The following CARNS1 variants were observed in gnomAD, a reference collection of about 807,000 sequenced individuals.
The protein encoded by CARNS1 is ATP-grasp domain containing 1.
CARNS1 carries 61 observed loss-of-function variants against 74.0 expected under a neutral mutation model. The observed-to-expected ratio is 0.82, with a 90% CI of 0.67 to 1.02. The LOEUF (loss-of-function observed/expected upper bound fraction) is 1.02. Among genes scored for constraint, CARNS1 ranks in the 50% least tolerant of loss-of-function variants. The probability of loss-of-function intolerance (pLI) is 0.00; values close to 1 mark genes in which losing one functional copy is unlikely to be tolerated. For missense variants in CARNS1, 1,278 were observed against 1,308.4 expected, an observed-to-expected ratio of 0.98 and a Z score of 0.36; for synonymous variants, 568 against 605.5, an observed-to-expected ratio of 0.94 and a Z score of 0.91.
chr11:67,422,201 T>TTTC (rs1863727905), intron 9 of CARNS1, among the ~76,000 whole-genome samples: 2 of 130,764 alleles, frequency 1.5e-5, no homozygotes, highest in African/African-American at 2.9e-5. Context: ...TTTTTTTTTT[T>TTTC]AATACGGAGT....
intron 2 of CARNS1, chr11:67,416,507 G>A (rs1863547163): frequency 9.6e-6 from 12 of 1,246,146 alleles, no homozygotes; most frequent in Non-Finnish European, 1.1e-5. Context: ...GTCCTCTGCC[G>A]TCTGGGCCAC....
intron 7 of CARNS1, among the ~76,000 whole-genome samples, chr11:67,420,089 G>C (rs1005667151): frequency 2.5e-4 from 36 of 144,622 alleles, no homozygotes; most frequent in African/African-American, 1.0e-3. Context: ...CCAGGGCCCA[G>C]GGGGCTGAAT....
chr11:67,420,796 G>A lies in CARNS1; in HGVS notation c.1301G>A (p.Ser434Asn), dbSNP rs1357463015. Residue 434 changes from serine to asparagine, a missense_variant, in exon 8 of 10, where the codon AGT becomes AAT. Coordinates refer to ENST00000687366, the MANE Select transcript of CARNS1 (RefSeq NM_001166222.2). The part of the protein sequence containing the change: ...AAVLALEAGL[S>N]AEQRGGRRAH... ...GTGCTGGCTCTGGAGGCCGGCCTGA[G>A]TGCCGAGCAGCGCGGCGGGCGCCGG... is the stretch of plus-strand genomic sequence containing the variant. 2 of 1,232,354 alleles carry A rather than the reference G, an allele frequency of 1.6e-6. No individual in the cohort carries two copies. The highest frequency in any genetic ancestry group is 2.0e-6 in the Non-Finnish European group (2 of 989,466). The allele number at this position is 1,232,354 out of a possible 1,614,324, so 76.3% of individuals were successfully genotyped here. A position where few individuals can be genotyped will look rare whatever the true frequency, so the allele number is the denominator to read the frequency against.
In CARNS1 at chr11:67,416,041, G is replaced by A. The variant is rs949303113; in HGVS notation, c.-24-135G>A. 2.4e-5 allele frequency: 16 copies of A among 674,168 alleles called. No individual in the cohort carries two copies. In the Admixed American group the frequency reaches 3.3e-4, roughly 14 times the overall value. The allele number at this position is 674,168 out of a possible 1,614,324, so 41.8% of individuals were successfully genotyped here. A position where few individuals can be genotyped will look rare whatever the true frequency, so the allele number is the denominator to read the frequency against. On this transcript the variant is annotated intron_variant, in intron 1 of 9. Transcript: ENST00000687366. ...CTCCCTACCTTCGGGGTGGGGGTGG[G>A]GCTGCCTTGGCCTCTCTCTGCAGGG...
chr11:67,417,593 G>A lies in CARNS1; in HGVS notation c.190G>A (p.Val64Ile). ...PEGAEARAWT[V>I]YYYSLLQSCL... Reference sequence around the variant, plus strand: ...GGGGGCCGAGGCCCGGGCTTGGACTGTCTACTACTACAGCCTCCTGCAGAG... The same window carrying A: ...GGGGGCCGAGGCCCGGGCTTGGACTATCTACTACTACAGCCTCCTGCAGAG... Residue 64 changes from valine (V) to isoleucine (I), a missense_variant, in exon 3 of 10, where the codon GTC (valine) becomes ATC (isoleucine). This residue lies in a region of CARNS1 where 104 missense variants were observed against 127.3 expected (regional missense o/e 0.82). Transcript: ENST00000687366. 1.5e-6 allele frequency: 2 copies of A among 1,331,664 alleles called. No homozygotes were observed. The highest frequency in any genetic ancestry group is 1.9e-6 in the Non-Finnish European group (2 of 1,040,598). 82.5% of individuals were successfully genotyped at this position (1,331,664 alleles called of 1,614,324 possible).
chr11:67,421,311 C>G, intron 9 of CARNS1, 92 bp downstream of exon 9: 1 of 1,297,650 alleles, frequency 7.7e-7, no homozygotes, highest in African/African-American at 1.6e-5. Flanking sequence ...AAAGGGGCGT[C>G]CTTGGGGCGG....
At chr11:67,420,561 G>T (rs910791863) in intron 7 of CARNS1, 48 bp from the exon 8 acceptor site, 1 of 1,155,052 alleles carries the variant, frequency 8.7e-7, no homozygotes, top group Non-Finnish European at 1.1e-6. Context: ...GGGTGTGCGT[G>T]GGGGGCAGGG....
rs1399876813 is a variant in CARNS1, at chr11:67,424,325, GGTGGGCGTCAT to G, written c.2581_2591del (p.Gly861ProfsTer16). 2.2e-5 allele frequency: 36 copies of G among 1,610,542 alleles called. No homozygotes were observed. The highest frequency in any genetic ancestry group is 2.9e-5 in the Non-Finnish European group (34 of 1,178,834). ...CCCGCCCACGTGCTCGTGGCCATCT[GGTGGGCGTCAT>G]GTGCCTTGTGTCCCAGCACCTGCAG... On this transcript the variant is annotated frameshift_variant, in exon 10 of 10. Coordinates refer to ENST00000687366, the MANE Select transcript of CARNS1 (RefSeq NM_001166222.2). LOFTEE classifies it high-confidence loss of function.
Position 67,418,974 on chromosome 11 carries a change from G to C in CARNS1, c.583G>C (p.Asp195His). 6.4e-7 allele frequency: 1 copy of C among 1,566,462 alleles called. No individual in the cohort carries two copies. Among genetic ancestry groups the C allele is most frequent in the Non-Finnish European group, 8.6e-7 (1 of 1,156,254 alleles). The change falls in exon 5 of 10, where the codon GAC becomes CAC. Residue 195 changes from aspartate to histidine, a missense_variant. Asp to His is a moderately conservative substitution (Grantham distance 81). Transcript: ENST00000687366. ...RGREAAELAR[D>H]LTCPTGASAE... ...CCGAGAGGCAGCAGAACTCGCCCGT[G>C]ACCTGACCTGCCCCACAGGAGCTTC...
chr11:67,424,214 G>A lies in CARNS1; in HGVS notation c.2466G>A (p.Leu822=), dbSNP rs779665368. The A allele has an allele frequency of 1.2e-6, 2 of 1,613,830 alleles. No individual in the cohort carries two copies. Among genetic ancestry groups the A allele is most frequent in the Non-Finnish European group, 1.7e-6 (2 of 1,179,884 alleles). ...EINPRMGGFY[L]RDWILELYGV... ...ACCCCCGCATGGGTGGCTTCTACCT[G>A]CGTGATTGGATCCTGGAGCTCTATG... The change falls in exon 10 of 10, where the codon CTG becomes CTA. Residue 822 remains leucine (L), a synonymous_variant. Transcript: ENST00000687366.
chr11:67,423,606 G>A lies in CARNS1; in HGVS notation c.1858G>A (p.Ala620Thr). Reference protein sequence around the residue: ...ELGLPCSSPAAMRLAKQKSLT... With the variant: ...ELGLPCSSPATMRLAKQKSLT... ...AGGTCTGCCCTGCAGCTCCCCAGCT[G>A]CCATGCGCCTGGCTAAGCAGAAGAG... The change falls in exon 10 of 10, where the codon GCC (alanine) becomes ACC (threonine). Residue 620 changes from alanine to threonine, a missense_variant. Coordinates refer to ENST00000687366, the MANE Select transcript of CARNS1 (RefSeq NM_001166222.2). This position sits in a 1 kb window ranked among gnomAD's most constrained non-coding sequence, Gnocchi z 5.1. The A allele has an allele frequency of 4.3e-6, 7 of 1,610,224 alleles. No homozygotes were observed. Among genetic ancestry groups the A allele is most frequent in the South Asian group, 1.1e-5 (1 of 90,442 alleles).
Position 67,424,611 on chromosome 11 carries a change from CA to C in CARNS1, c.*11del, listed in dbSNP as rs1203167638. 3 of 1,595,004 alleles carry C rather than the reference CA, an allele frequency of 1.9e-6. No individual in the cohort carries two copies. The highest frequency in any genetic ancestry group is 1.1e-5 in the South Asian group (1 of 88,894). ...GTCTCACTTCAAATAGCACTGGGGT[CA>C]GGGGGCAGGGAAGCAGTGCTGGGTG... On this transcript the variant is annotated 3_prime_UTR_variant, in exon 10 of 10. Transcript: ENST00000687366.
At position 67,423,266 on chromosome 11, in the gene CARNS1, A is replaced by T; in HGVS notation, c.1627-109A>T. 1 of 1,045,608 alleles carries T rather than the reference A, an allele frequency of 9.6e-7. No homozygotes were observed. The highest frequency in any genetic ancestry group is 1.4e-6 in the Non-Finnish European group (1 of 711,624). 64.8% of individuals were successfully genotyped at this position (1,045,608 alleles called of 1,614,324 possible). On this transcript the variant is annotated intron_variant, in intron 9 of 9. Transcript: ENST00000687366. The surrounding 1 kb of genome is among the most constrained non-coding windows in gnomAD (Gnocchi z 5.1). ...CACAACACACATTTATTGAGCACCTAGTGTTTGTGTACTCGTATCCCCTGA... is the reference window on the plus strand; with the variant it reads ...CACAACACACATTTATTGAGCACCTTGTGTTTGTGTACTCGTATCCCCTGA...
chr11:67,424,274 C>T lies in CARNS1; in HGVS notation c.2526C>T (p.Ala842=). ...VDLLLAAVMV[A]CGLRPALPTR... ...TGCTGCTGGCTGCTGTTATGGTGGC[C>T]TGTGGCTTGCGTCCTGCCCTGCCCA... The change falls in exon 10 of 10, where the codon GCC becomes GCT. Residue 842 remains alanine, a synonymous_variant. Coordinates refer to ENST00000687366, the MANE Select transcript of CARNS1 (RefSeq NM_001166222.2). 16 of 1,613,122 alleles carry T rather than the reference C, an allele frequency of 9.9e-6. No individual in the cohort carries two copies. The highest frequency in any genetic ancestry group is 1.4e-5 in the Non-Finnish European group (16 of 1,179,826).
Position 67,423,632 on chromosome 11 carries a change from C to A in CARNS1, c.1884C>A (p.Ser628Arg). 6.2e-7 allele frequency: 1 copy of A among 1,608,790 alleles called. No homozygotes were observed. Among genetic ancestry groups the A allele is most frequent in the Non-Finnish European group, 8.5e-7 (1 of 1,178,486 alleles). ...PAAMRLAKQK[S>R]LTQLHLLHHH... ...CCATGCGCCTGGCTAAGCAGAAGAG[C>A]CTCACCCAGCTGCACCTGTTGCACC... Residue 628 changes from serine (S) to arginine (R), a missense_variant, in exon 10 of 10, where the codon AGC (serine) becomes AGA (arginine). By Grantham distance (110) the Ser-to-Arg change is moderately radical. Around this residue, in one of 3 missense-constraint regions of CARNS1, gnomAD observed 1,164 missense variants for 1,156.5 expected, o/e 1.01. Transcript: ENST00000687366. This position sits in a 1 kb window ranked among gnomAD's most constrained non-coding sequence, Gnocchi z 5.1.
chr11:67,417,292 C>T (rs959878337), intron 2 of CARNS1, 115 bp from the exon 3 acceptor site: 21 of 1,242,864 alleles, frequency 1.7e-5, no homozygotes, highest in African/African-American at 3.1e-5. Flanking sequence ...GTCCCCGGGA[C>T]GGTGTCAGCC....
intron 3 of CARNS1, 124 bp downstream of exon 3, chr11:67,417,801 G>A (rs1863585363): frequency 4.4e-6 from 3 of 675,010 alleles, no homozygotes; most frequent in Non-Finnish European, 4.2e-6. Flanking sequence ...TCTGAAGGCA[G>A]GGAAGGCACA....
Position 67,421,155 on chromosome 11 carries a change from T to G in CARNS1, c.1562T>G (p.Val521Gly), listed in dbSNP as rs757456171. ...CTCATGGAGGGAAAACAGCTGCTGG[T>G]GGTCGGCGCTGGCGGCGTCAGCAAG... ...RCLMEGKQLL[V>G]VGAGGVSKKF... The change falls in exon 9 of 10, where the codon GTG becomes GGG. Residue 521 changes from valine (V) to glycine (G), a missense_variant. Val to Gly is a moderately radical substitution (Grantham distance 109). This residue lies in a region of CARNS1 where 1,164 missense variants were observed against 1,156.5 expected (regional missense o/e 1.01). Coordinates refer to ENST00000687366, the MANE Select transcript of CARNS1 (RefSeq NM_001166222.2). 3 of 1,492,442 alleles carry G rather than the reference T, an allele frequency of 2.0e-6. No individual in the cohort carries two copies. In the South Asian group the frequency reaches 3.8e-5, roughly 19 times the overall value. 92.4% of individuals were successfully genotyped at this position (1,492,442 alleles called of 1,614,324 possible).
Position 67,421,211 on chromosome 11 carries a change from G to A in CARNS1, c.1618G>A (p.Gly540Arg), listed in dbSNP as rs941180965. 3.3e-5 allele frequency: 49 copies of A among 1,489,660 alleles called. No homozygotes were observed. The highest frequency in any genetic ancestry group is 4.5e-5 in the Admixed American group (2 of 44,754). The allele number at this position is 1,489,660 out of a possible 1,614,324, so 92.3% of individuals were successfully genotyped here. Residue 540 changes from glycine to arginine, a missense_variant, in exon 9 of 10, where the codon GGG (glycine) becomes AGG (arginine). Physicochemically the swap from Gly to Arg is moderately radical, Grantham distance 125. Transcript: ENST00000687366. ...CGTGTGGGAGGCGGCGCGCGACTAC[G>A]GGCTCCAGGTGGGCGGGGCGCGGGG... ...KFVWEAARDY[G>R]LQLHLVESDP...
Sources: gnomAD v4.1 joint callset for allele counts (sites outside exome capture counted in the v4.1 genomes callset) on GRCh38, gnomAD v4.1.1 for gene constraint, gnomAD v4.1.1 regional missense constraint, Gnocchi (gnomAD v3.1) non-coding constraint, MANE v1.5 for transcripts, NCBI Gene and HGNC (gene_info 2026-07-23, HGNC 2026-07-21) for gene names.